The following PTPRG variants were observed in gnomAD, a reference collection of about 807,000 sequenced individuals.
The protein encoded by PTPRG is protein tyrosine phosphatase receptor type G, also known as receptor-type tyrosine-protein phosphatase gamma.
A neutral mutation model predicts 165.3 loss-of-function variants in PTPRG; 102 were observed. The ratio of observed to expected loss-of-function variants is 0.62; its 90% CI spans 0.53 to 0.73. The LOEUF (loss-of-function observed/expected upper bound fraction) is 0.73, where lower values mean the gene tolerates loss of function less well. PTPRG is among the 30% of genes least tolerant of loss of function. PTPRG has a pLI of 0.00. For missense variants in PTPRG, 1,866 were observed against 1,861.4 expected (o/e 1.00, Z -0.05); for synonymous variants, 675 against 669.5 (o/e 1.01, Z -0.13).
chr3:62,143,096 C>G (rs979001270), intron 6 of PTPRG, among the ~76,000 whole-genome samples: 6 of 152,186 alleles, frequency 3.9e-5, no homozygotes, highest in Non-Finnish European at 1.5e-5. Context: ...AGGCTCCCCA[C>G]CTACCTTTTT....
chr3:61,924,831 T>A (rs1220800674), intron 2 of PTPRG, among the ~76,000 whole-genome samples: 2 of 152,222 alleles, frequency 1.3e-5, no homozygotes, highest in African/African-American at 4.8e-5. Flanking sequence ...TCTGTTGCTC[T>A]GAAATTCATA....
At chr3:61,832,918 C>G (rs113007908) in intron 2 of PTPRG, among the ~76,000 whole-genome samples, 1 of 152,178 alleles carries the variant, frequency 6.6e-6, no homozygotes, top group Non-Finnish European at 1.5e-5. Flanking sequence ...TTTGCATTCT[C>G]GTAGCTTGGC....
In PTPRG at chr3:61,925,825, T is replaced by C. The variant is rs185191171; in HGVS notation, c.191-63800T>C. ...AGTGTTCACCAGAGGGGATTAGGAT[T>C]CTTATAACTGGCTTGTCCCGAGCAT... is the stretch of plus-strand genomic sequence containing the variant. On this transcript the variant is annotated intron_variant, in intron 2 of 29. Coordinates refer to ENST00000474889, the MANE Select transcript of PTPRG (RefSeq NM_002841.4). The C allele has an allele frequency of 2.6e-5, 12 of 466,372 alleles. No individual in the cohort carries two copies. In the East Asian group the frequency reaches 6.9e-4, roughly 27 times the overall value. The allele number at this position is 466,372 out of a possible 1,614,324, so 28.9% of individuals were successfully genotyped here.
At chr3:62,147,699 T>C (rs1488615890) in intron 6 of PTPRG, among the ~76,000 whole-genome samples, 1 of 152,224 alleles carries the variant, frequency 6.6e-6, no homozygotes, top group African/African-American at 2.4e-5. Flanking sequence ...TGTTTCTTCA[T>C]TCTCTTTTCA....
chr3:62,225,749 G>A (rs111579821), intron 13 of PTPRG, among the ~76,000 whole-genome samples: 2 of 149,990 alleles, frequency 1.3e-5, no homozygotes, highest in Non-Finnish European at 3.0e-5. Flanking sequence ...CCACCTCCTG[G>A]GTTCAAGCAA....
intron 1 of PTPRG, among the ~76,000 whole-genome samples, chr3:61,651,884 C>CA: frequency 6.6e-6 from 1 of 152,074 alleles, no homozygotes; most frequent in Non-Finnish European, 1.5e-5. Flanking sequence ...GTGACACACA[C>CA]CTGTAGTCCC....
intron 2 of PTPRG, among the ~76,000 whole-genome samples, chr3:61,951,542 C>T (rs773483441): frequency 2.6e-5 from 4 of 152,134 alleles, no homozygotes; most frequent in Non-Finnish European, 5.9e-5. Context: ...TGGATTATTT[C>T]GTGGGAAGAT....
At chr3:62,146,648 A>T (rs956823820) in intron 6 of PTPRG, among the ~76,000 whole-genome samples, 1 of 150,412 alleles carries the variant, frequency 6.6e-6, no homozygotes, top group Non-Finnish European at 1.5e-5. Flanking sequence ...AAAAAAAAAT[A>T]CGCCGCCCTC....
chr3:62,001,522 G>A (rs1317074934), intron 3 of PTPRG, among the ~76,000 whole-genome samples: 3 of 151,976 alleles, frequency 2.0e-5, no homozygotes, highest in Non-Finnish European at 4.4e-5. Flanking sequence ...CTGAGCTAAT[G>A]CCTAGATGTT....
At chr3:61,910,944 G>A (rs190996974) in intron 2 of PTPRG, among the ~76,000 whole-genome samples, 124 of 152,270 alleles carry the variant, frequency 8.1e-4, no homozygotes, top group Non-Finnish European at 9.1e-4. Flanking sequence ...CATTCTTTAT[G>A]TTCTGGCCAC....
intron 2 of PTPRG, among the ~76,000 whole-genome samples, chr3:61,983,914 A>G (rs755184282): frequency 1.3e-5 from 2 of 152,182 alleles, no homozygotes; most frequent in Non-Finnish European, 2.9e-5. Context: ...ATTTGTTTGA[A>G]TAGAATTAAC....
intron 5 of PTPRG, among the ~76,000 whole-genome samples, chr3:62,106,725 G>A (rs750819849): frequency 6.6e-6 from 1 of 152,050 alleles, no homozygotes; most frequent in Non-Finnish European, 1.5e-5. Context: ...TATCTTTGGT[G>A]AAACTATACA....
chr3:61,609,163 C>G (rs1189406543), intron 1 of PTPRG, among the ~76,000 whole-genome samples: 1 of 152,204 alleles, frequency 6.6e-6, no homozygotes, highest in Non-Finnish European at 1.5e-5. Flanking sequence ...TATTGGACTT[C>G]CCTTAGGCCG....
At chr3:62,259,847 A>C (rs1187830556) in intron 16 of PTPRG, among the ~76,000 whole-genome samples, 1 of 152,200 alleles carries the variant, frequency 6.6e-6, no homozygotes, top group Non-Finnish European at 1.5e-5. Flanking sequence ...ATAAAGCAAT[A>C]AGCAGGAAAT....
At chr3:62,234,395 A>T (rs1324421155) in intron 14 of PTPRG, among the ~76,000 whole-genome samples, 1 of 152,204 alleles carries the variant, frequency 6.6e-6, no homozygotes, top group Non-Finnish European at 1.5e-5. Flanking sequence ...TTGTGCATGT[A>T]TGGTGCCAAG....
intron 1 of PTPRG, among the ~76,000 whole-genome samples, chr3:61,626,012 T>C (rs1418278049): frequency 1.9e-5 from 2 of 106,962 alleles, no homozygotes; most frequent in Admixed American, 8.9e-5. Context: ...GGTTTGTTTG[T>C]TTTTTTTTTT....
intron 7 of PTPRG, among the ~76,000 whole-genome samples, chr3:62,163,323 A>G (rs1029195810): frequency 3.9e-5 from 6 of 152,200 alleles, no homozygotes; most frequent in African/African-American, 1.4e-4. Flanking sequence ...TACTGCTATT[A>G]ATAATAATAT....
chr3:62,173,238 C>G (rs1427862269), intron 8 of PTPRG, among the ~76,000 whole-genome samples: 4 of 151,820 alleles, frequency 2.6e-5, no homozygotes, highest in African/African-American at 9.7e-5. Flanking sequence ...TGTTATATTG[C>G]TATTTTTTAT....
In PTPRG at chr3:61,656,717, A is replaced by G. The variant is rs536880473; in HGVS notation, c.86-92161A>G. ...AGATAGGTTGCCTGGGTCATGTCCA[A>G]CATTCTTGTAGATTGAAGATATTTT... is the stretch of plus-strand genomic sequence containing the variant. On this transcript the variant is annotated intron_variant, in intron 1 of 29. Transcript: ENST00000474889. Among the ~76,000 whole-genome samples the G allele has an allele frequency of 3.3e-5, 5 of 152,312 alleles. No individual in the cohort carries two copies. The South Asian group carries it at 6.2e-4, about 19-fold the overall frequency.
Sources: gnomAD v4.1 joint callset for allele counts (sites outside exome capture counted in the v4.1 genomes callset) on GRCh38, gnomAD v4.1.1 for gene constraint, MANE v1.5 for transcripts, NCBI Gene and HGNC (gene_info 2026-07-23, HGNC 2026-07-21) for gene names.